NOL10: variants seen among roughly 807,000 people sequenced by gnomAD.
NOL10 encodes the protein nucleolar protein 10, also known as H_NH0074G24.1.
NOL10 carries 58 observed loss-of-function variants against 103.5 expected under a neutral mutation model. The observed-to-expected ratio is 0.56, with a 90% CI of 0.45 to 0.70. The LOEUF (loss-of-function observed/expected upper bound fraction) is 0.70. NOL10 is among the 30% of genes least tolerant of loss of function. The pLI, the probability that NOL10 is intolerant of heterozygous loss-of-function variation, is 0.00. For synonymous variants in NOL10, 287 were observed against 282.5 expected (o/e 1.02, Z -0.16); for missense variants, 763 against 807.3 (o/e 0.95, Z 0.67).
chr2:10,577,133 G>A (rs1674493470), intron 20 of NOL10, among the ~76,000 whole-genome samples: 2 of 152,184 alleles, frequency 1.3e-5, no homozygotes, highest in South Asian at 2.1e-4. Flanking sequence ...ATGACCACGG[G>A]CAGAGTAGTC....
chr2:10,579,300 T>G (rs992419286), intron 19 of NOL10, among the ~76,000 whole-genome samples: 5 of 152,182 alleles, frequency 3.3e-5, no homozygotes, highest in Non-Finnish European at 5.9e-5. Flanking sequence ...GACTAACTAA[T>G]TAATCCTTTC....
intron 12 of NOL10, among the ~76,000 whole-genome samples, chr2:10,646,558 T>C (rs1023701927): frequency 2.0e-5 from 3 of 152,094 alleles, no homozygotes; most frequent in African/African-American, 4.8e-5. Context: ...AAGAACATCA[T>C]AGAGCCCAAA....
intron 14 of NOL10, among the ~76,000 whole-genome samples, chr2:10,606,792 C>T (rs1676285029): frequency 6.6e-6 from 1 of 151,918 alleles, no homozygotes; most frequent in Admixed American, 6.6e-5. Flanking sequence ...TATAATCAAA[C>T]CTAAAAGGGA....
chr2:10,629,890 ATT>A (rs1677725053), intron 13 of NOL10, among the ~76,000 whole-genome samples: 3 of 152,344 alleles, frequency 2.0e-5, no homozygotes, highest in African/African-American at 7.2e-5. Context: ...CATAATTATT[ATT>A]CTTTTTCCCC....
At chr2:10,639,772 T>C (rs1678572157) in intron 13 of NOL10, among the ~76,000 whole-genome samples, 2 of 152,084 alleles carry the variant, frequency 1.3e-5, no homozygotes, top group South Asian at 4.1e-4. Context: ...TCTCTGAAGC[T>C]GCAGACGAAT....
intron 13 of NOL10, among the ~76,000 whole-genome samples, chr2:10,633,030 T>A (rs1005684221): frequency 6.6e-6 from 1 of 152,132 alleles, no homozygotes; most frequent in Non-Finnish European, 1.5e-5. Context: ...TTTCATGTTT[T>A]GGGGAAGTTA....
chr2:10,589,268 C>T lies in NOL10; in HGVS notation c.1619G>A (p.Gly540Glu). Reference protein sequence around the residue: ...REKEEEEEPEGKPSDAESSES... With the variant: ...REKEEEEEPEEKPSDAESSES... ...CGAACTTTCTGCATCACTTGGTTTT[C>T]CTTCCGGCTCTTCCTCCTCTTCCTG... is the stretch of plus-strand genomic sequence containing the variant. The change falls in exon 19 of 21, where the codon GGA (glycine) becomes GAA (glutamate). Residue 540 changes from glycine to glutamate, a missense_variant. By Grantham distance (98) the Gly-to-Glu change is moderately conservative (BLOSUM62 -2). Transcript: ENST00000381685. 6.2e-7 allele frequency: 1 copy of T among 1,613,828 alleles called. No homozygotes were observed. The highest frequency in any genetic ancestry group is 1.1e-5 in the South Asian group (1 of 91,070).
intron 5 of NOL10, among the ~76,000 whole-genome samples, chr2:10,672,805 C>A (rs1681034779): frequency 6.6e-6 from 1 of 152,126 alleles, no homozygotes; most frequent in African/African-American, 2.4e-5. Context: ...CCAGCCTGGC[C>A]AACCTGGTAA....
chr2:10,649,875 T>A (rs950102471), intron 12 of NOL10, among the ~76,000 whole-genome samples: 3 of 152,146 alleles, frequency 2.0e-5, no homozygotes, highest in African/African-American at 7.2e-5. Context: ...AAATCTGAAT[T>A]TCAGTCACAA....
At chr2:10,684,461 T>C in intron 2 of NOL10, 106 bp downstream of exon 2, 1 of 874,656 alleles carries the variant, frequency 1.1e-6, no homozygotes, top group Non-Finnish European at 1.8e-6. Context: ...TTCCACTACA[T>C]GTTACCGCAT....
At chr2:10,637,188 C>CAAAAAAAAAAAAA (rs61693251) in intron 13 of NOL10, among the ~76,000 whole-genome samples, 4 of 44,532 alleles carry the variant, frequency 9.0e-5, no homozygotes, top group Non-Finnish European at 1.2e-4. Context: ...GACACTGTCT[C>CAAAAAAAAAAAAA]AAAAAAAAAA....
rs371873882 is a variant in NOL10 at position 10,589,662 on chromosome 2, C to T, written c.1512G>A (p.Arg504=). 5 of 1,591,368 alleles carry T rather than the reference C, an allele frequency of 3.1e-6. No individual in the cohort carries two copies. The highest frequency in any genetic ancestry group is 2.7e-5 in the African/African-American group (2 of 74,260). Reference sequence around the variant, plus strand: ...TTTTTGAAACAAGTGGATTCAGAAGCCTAAATTCTTCACTCTCTTCATCTA... The same window carrying T: ...TTTTTGAAACAAGTGGATTCAGAAGTCTAAATTCTTCACTCTCTTCATCTA... The part of the protein sequence containing the change: ...FQVDEESEEF[R]LLNPLVSKIS... Residue 504 remains arginine (R), a synonymous_variant, in exon 18 of 21, where the codon AGG becomes AGA. Transcript: ENST00000381685.
chr2:10,578,819 CT>C (rs1312297787), intron 19 of NOL10, among the ~76,000 whole-genome samples: 4 of 152,290 alleles, frequency 2.6e-5, no homozygotes, highest in African/African-American at 7.2e-5. Context: ...TCCTATCCCC[CT>C]GATAAGATTG....
intron 13 of NOL10, among the ~76,000 whole-genome samples, chr2:10,617,242 G>A (rs1676883611): frequency 6.6e-6 from 1 of 152,186 alleles, no homozygotes; most frequent in Non-Finnish European, 1.5e-5. Flanking sequence ...GGTTGGAATT[G>A]CTTGGCATGT....
chr2:10,676,234 T>A (rs1239911990), intron 3 of NOL10, among the ~76,000 whole-genome samples: 1 of 152,218 alleles, frequency 6.6e-6, no homozygotes, highest in South Asian at 2.1e-4. Flanking sequence ...ATACAATTGA[T>A]ACAACTTCTT....
chr2:10,687,082 G>A (rs1283382532), intron 1 of NOL10, among the ~76,000 whole-genome samples: 1 of 138,660 alleles, frequency 7.2e-6, no homozygotes, highest in East Asian at 2.0e-4. Context: ...TAATAAAAAG[G>A]TAAAGCCCAG....
chr2:10,603,029 G>T, intron 15 of NOL10, 49 bp downstream of exon 15: 2 of 1,432,704 alleles, frequency 1.4e-6, no homozygotes, highest in Non-Finnish European at 1.9e-6. Flanking sequence ...AATGGCCACA[G>T]ACTGCGCATT....
intron 19 of NOL10, among the ~76,000 whole-genome samples, chr2:10,588,116 C>T (rs901287789): frequency 6.6e-5 from 10 of 152,214 alleles, no homozygotes; most frequent in Non-Finnish European, 1.2e-4. Context: ...AGTTTACATA[C>T]AACTTGGGCT....
chr2:10,599,298 G>T (rs1675854644), intron 17 of NOL10, among the ~76,000 whole-genome samples: 1 of 152,208 alleles, frequency 6.6e-6, no homozygotes, highest in Non-Finnish European at 1.5e-5. Context: ...AAGCCTTAGG[G>T]CATGGCATGT....
Sources: gnomAD v4.1 joint callset for allele counts (sites outside exome capture counted in the v4.1 genomes callset) on GRCh38, gnomAD v4.1.1 for gene constraint, MANE v1.5 for transcripts, NCBI Gene and HGNC (gene_info 2026-07-23, HGNC 2026-07-21) for gene names.